The following BBOX1 variants were observed in gnomAD, a reference collection of about 807,000 sequenced individuals.
The protein encoded by BBOX1 is gamma-butyrobetaine dioxygenase.
A neutral mutation model predicts 41.6 loss-of-function variants in BBOX1; 35 were observed. The ratio of observed to expected loss-of-function variants is 0.84; its 90% CI spans 0.64 to 1.11. The LOEUF is 1.11. Among genes scored for constraint, BBOX1 ranks in the 50% most tolerant of loss-of-function variants. BBOX1 has a pLI of 0.00. For missense variants in BBOX1, 458 were observed against 460.6 expected (o/e 0.99, Z 0.05); for synonymous variants, 163 against 154.7 (o/e 1.05, Z -0.40).
intron 4 of BBOX1, among the ~76,000 whole-genome samples, chr11:27,064,245 G>A (rs1023940345): frequency 6.6e-6 from 1 of 151,704 alleles, no homozygotes; most frequent in Non-Finnish European, 1.5e-5. Context: ...AACAGTATCA[G>A]GGCTGCCAGG....
chr11:27,090,517 G>A (rs1262611674), intron 4 of BBOX1, among the ~76,000 whole-genome samples: 1 of 151,858 alleles, frequency 6.6e-6, no homozygotes. Flanking sequence ...TAGGACAAAG[G>A]GCAAAAGCAG....
At chr11:27,096,195 C>T (rs1858432995) in intron 5 of BBOX1, among the ~76,000 whole-genome samples, 1 of 151,952 alleles carries the variant, frequency 6.6e-6, no homozygotes, top group Non-Finnish European at 1.5e-5. Context: ...CACAAAATGG[C>T]ATTTACCACG....
intron 2 of BBOX1, chr11:27,047,433 A>C (rs1282435950): frequency 3.9e-5 from 6 of 152,210 alleles, no homozygotes; most frequent in African/African-American, 1.4e-4. Flanking sequence ...TTGGTGTGAC[A>C]TGGGCACACC....
Position 27,040,977 on chromosome 11 carries a change from T to A in BBOX1, c.-353T>A, listed in dbSNP as rs1453034257. 6.6e-6 allele frequency: 1 copy of A among 152,132 alleles called. No individual in the cohort carries two copies. Among genetic ancestry groups the A allele is most frequent in the Non-Finnish European group, 1.5e-5 (1 of 68,032 alleles). The allele number at this position is 152,132 out of a possible 1,614,324, so 9.4% of individuals were successfully genotyped here. A position where few individuals can be genotyped will look rare whatever the true frequency, so the allele number is the denominator to read the frequency against. On this transcript the variant is annotated 5_prime_UTR_variant, in exon 1 of 9. Transcript: ENST00000263182. ...ACAGGTGGGAAAGAAGTGAACTGCT[T>A]GTTCACTTGCTGCTGTTGCCACTGC...
At chr11:27,108,655 C>T (rs1297890074) in intron 5 of BBOX1, among the ~76,000 whole-genome samples, 1 of 151,978 alleles carries the variant, frequency 6.6e-6, no homozygotes, top group African/African-American at 2.4e-5. Context: ...TATAATACTC[C>T]ATCTTTTTTC....
chr11:27,092,507 C>A (rs140072004), intron 4 of BBOX1, among the ~76,000 whole-genome samples: 1 of 151,972 alleles, frequency 6.6e-6, no homozygotes, highest in Admixed American at 6.6e-5. Context: ...CTCAATTAAG[C>A]ATTTTTATGA....
chr11:27,097,104 T>TG (rs1858466971), intron 5 of BBOX1, among the ~76,000 whole-genome samples: 6 of 152,044 alleles, frequency 3.9e-5, no homozygotes, highest in African/African-American at 1.4e-4. Flanking sequence ...TTTTGTCAAA[T>TG]ACATGTAAAC....
At chr11:27,111,518 A>G (rs1416543462) in intron 5 of BBOX1, among the ~76,000 whole-genome samples, 1 of 151,936 alleles carries the variant, frequency 6.6e-6, no homozygotes, top group Non-Finnish European at 1.5e-5. Flanking sequence ...TTTTATTACC[A>G]TTTTAAAGTG....
intron 5 of BBOX1, among the ~76,000 whole-genome samples, chr11:27,097,461 C>A (rs919038351): frequency 6.6e-6 from 1 of 152,036 alleles, no homozygotes; most frequent in Non-Finnish European, 1.5e-5. Flanking sequence ...AACAGAGTAT[C>A]TTTCTTGAAT....
At chr11:27,075,846 C>A (rs1304270405) in intron 4 of BBOX1, among the ~76,000 whole-genome samples, 1 of 152,168 alleles carries the variant, frequency 6.6e-6, no homozygotes, top group Non-Finnish European at 1.5e-5. Context: ...GAAGCCCTAG[C>A]TGTGTCTGCA....
chr11:27,062,706 A>T (rs2133975360), intron 4 of BBOX1, among the ~76,000 whole-genome samples: 1 of 152,058 alleles, frequency 6.6e-6, no homozygotes, highest in South Asian at 2.1e-4. Flanking sequence ...TGCTACAAGG[A>T]CTACCGGCAT....
intron 6 of BBOX1, among the ~76,000 whole-genome samples, chr11:27,118,710 T>C (rs920233091): frequency 6.6e-6 from 1 of 152,052 alleles, no homozygotes; most frequent in Non-Finnish European, 1.5e-5. Flanking sequence ...CTTTTTTCTA[T>C]TTGAAGATTG....
chr11:27,081,888 C>A (rs1857851024), intron 4 of BBOX1, among the ~76,000 whole-genome samples: 1 of 152,152 alleles, frequency 6.6e-6, no homozygotes, highest in East Asian at 1.9e-4. Context: ...CCTTTGCCCA[C>A]TTTTTGATGG....
At chr11:27,043,482 C>A (rs1361234217) in intron 2 of BBOX1, among the ~76,000 whole-genome samples, 1 of 139,430 alleles carries the variant, frequency 7.2e-6, no homozygotes, top group East Asian at 2.0e-4. Flanking sequence ...CAGGTATACA[C>A]ATGCCATGGT....
chr11:27,052,362 C>T (rs953291734), intron 2 of BBOX1, among the ~76,000 whole-genome samples: 1 of 152,046 alleles, frequency 6.6e-6, no homozygotes, highest in Non-Finnish European at 1.5e-5. Context: ...AACCCTTTAA[C>T]CTTCTTTCAA....
chr11:27,112,605 G>A (rs1443154553), intron 5 of BBOX1, among the ~76,000 whole-genome samples: 1 of 151,900 alleles, frequency 6.6e-6, no homozygotes, highest in African/African-American at 2.4e-5. Flanking sequence ...ATAGCCATAA[G>A]AAGAAGATTG....
At chr11:27,051,424 T>A (rs191587528) in intron 2 of BBOX1, among the ~76,000 whole-genome samples, 304 of 152,180 alleles carry the variant, frequency 2.0e-3, no homozygotes, top group Non-Finnish European at 3.7e-3. Flanking sequence ...TCTTCTTTAA[T>A]GTTTGGTGGA....
At chr11:27,098,677 T>A (rs1451456137) in intron 5 of BBOX1, among the ~76,000 whole-genome samples, 1 of 152,148 alleles carries the variant, frequency 6.6e-6, no homozygotes, top group African/African-American at 2.4e-5. Flanking sequence ...ATTCCTTTTT[T>A]AATGAGTTGG....
chr11:27,075,591 C>T (rs555503896), intron 4 of BBOX1, among the ~76,000 whole-genome samples: 2 of 152,226 alleles, frequency 1.3e-5, no homozygotes, highest in South Asian at 4.1e-4. Context: ...GAAAGCAATC[C>T]ACCTCCCAGT....
Sources: gnomAD v4.1 joint callset for allele counts (sites outside exome capture counted in the v4.1 genomes callset) on GRCh38, gnomAD v4.1.1 for gene constraint, MANE v1.5 for transcripts, NCBI Gene and HGNC (gene_info 2026-07-23, HGNC 2026-07-21) for gene names.